TPD52L1: variants seen among roughly 807,000 people sequenced by gnomAD.
TPD52L1 encodes tumor protein D53.
TPD52L1 carries 18 observed loss-of-function variants against 28.7 expected under a neutral mutation model. The observed-to-expected ratio is 0.63, with a 90% CI of 0.43 to 0.93. The LOEUF (loss-of-function observed/expected upper bound fraction) is 0.93. Among genes scored for constraint, TPD52L1 ranks in the 40% least tolerant of loss-of-function variants. TPD52L1 has a pLI of 0.00. For synonymous variants in TPD52L1, 75 were observed against 88.8 expected (o/e 0.84, Z 0.88); for missense variants, 203 against 254.8 (o/e 0.80, Z 1.39).
intron 3 of TPD52L1, among the ~76,000 whole-genome samples, chr6:125,244,448 G>T (rs1404369238): frequency 6.6e-6 from 1 of 152,162 alleles, no homozygotes; most frequent in Admixed American, 6.5e-5. Flanking sequence ...AGCTACCTCA[G>T]CTCTCCTGCC....
rs201466822 is a variant in TPD52L1 at position 125,156,478 on chromosome 6, AAAG to A, written c.19+2510_19+2512del. Among the ~76,000 whole-genome samples the A allele has an allele frequency of 1.6e-3, 205 of 131,724 alleles. 5 individuals carry two copies. The highest frequency in any genetic ancestry group is 3.3e-3 in the African/African-American group (117 of 35,296). The allele number at this position is 131,724 out of a possible 152,430, so 86.4% of individuals were successfully genotyped here. A position where few individuals can be genotyped will look rare whatever the true frequency, so the allele number is the denominator to read the frequency against. ...GACCTTGTCTCAAAAAAAAAAAAAAAAAGAGAGAGATACAAAAAAGGCCAGCCA... is the reference window on the plus strand; with the variant it reads ...GACCTTGTCTCAAAAAAAAAAAAAAAAGAGAGATACAAAAAAGGCCAGCCA... On this transcript the variant is annotated intron_variant, in intron 1 of 6. Transcript: ENST00000534000.
chr6:125,239,645 C>A lies in TPD52L1; in HGVS notation c.285-8637C>A, dbSNP rs546643674. Among the ~76,000 whole-genome samples, 3 of 152,180 alleles carry A rather than the reference C, an allele frequency of 2.0e-5. No homozygotes were observed. In the South Asian group the frequency reaches 6.2e-4, roughly 32 times the overall value. On this transcript the variant is annotated intron_variant, in intron 3 of 6. Transcript: ENST00000534000. ...AGATTTGGGTGGGGACCCAGGCAAACCATATCAATGTTTTTTACCCACTTT... is the reference window on the plus strand; with the variant it reads ...AGATTTGGGTGGGGACCCAGGCAAAACATATCAATGTTTTTTACCCACTTT...
chr6:125,241,119 G>A (rs532195010), intron 3 of TPD52L1, among the ~76,000 whole-genome samples: 2 of 152,190 alleles, frequency 1.3e-5, no homozygotes, highest in African/African-American at 4.8e-5. Flanking sequence ...TTTATGTAAT[G>A]TATCACATTT....
At position 125,172,526 on chromosome 6, in the gene TPD52L1, A is replaced by ATATAT. The variant is rs1448871277; in HGVS notation, c.19+18557_19+18561dup. 1.9e-4 allele frequency among the ~76,000 whole-genome samples: 14 copies of ATATAT among 74,132 alleles called. No homozygotes were observed. The South Asian group carries it at 3.4e-3, about 18-fold the overall frequency. 48.6% of individuals were successfully genotyped at this position (74,132 alleles called of 152,430 possible). ...CCTCTTTCATGCTATATATATATATATATATATATATATATATATATATAT... is the reference window on the plus strand; with the variant it reads ...CCTCTTTCATGCTATATATATATATATATATTATATATATATATATATATATATAT... On this transcript the variant is annotated intron_variant, in intron 1 of 6. Coordinates refer to ENST00000534000, the MANE Select transcript of TPD52L1 (RefSeq NM_003287.4).
Position 125,256,444 on chromosome 6 carries a change from A to T in TPD52L1, c.426-654A>T, listed in dbSNP as rs1797606149. On this transcript the variant is annotated intron_variant, in intron 5 of 6. Transcript: ENST00000534000. ...GAGAGGAAAAATAACGCATGCTAAT[A>T]ACCTCCATTTTGATTGGGCATTAGG... is the stretch of plus-strand genomic sequence containing the variant. Among the ~76,000 whole-genome samples the T allele has an allele frequency of 2.0e-5, 3 of 152,376 alleles. No homozygotes were observed. In the South Asian group the frequency reaches 6.2e-4, roughly 32 times the overall value.
intron 3 of TPD52L1, among the ~76,000 whole-genome samples, chr6:125,247,390 G>T (rs1796984885): frequency 6.6e-6 from 1 of 151,814 alleles, no homozygotes; most frequent in African/African-American, 2.4e-5. Context: ...ATCCCTATAG[G>T]TAGCATCACT....
intron 1 of TPD52L1, 104 bp from the exon 2 acceptor site, chr6:125,219,974 G>T (rs575391956): frequency 9.9e-6 from 8 of 809,424 alleles, no homozygotes; most frequent in Non-Finnish European, 1.7e-5. Context: ...TTGTTTTTTG[G>T]TGGGAGGGTC....
intron 3 of TPD52L1, among the ~76,000 whole-genome samples, chr6:125,235,101 C>CAATAATAATAAT (rs147249181): frequency 0.19 from 26,649 of 142,304 alleles, 2,933 homozygotes; most frequent in East Asian, 0.42. Context: ...CTACAAATAA[C>CAATAATAATAAT]AATAATAATA....
chr6:125,229,916 C>T (rs568066819), intron 3 of TPD52L1, among the ~76,000 whole-genome samples: 1 of 152,108 alleles, frequency 6.6e-6, no homozygotes, highest in Non-Finnish European at 1.5e-5. Flanking sequence ...GAAACCTCGT[C>T]CCTACTAAAA....
chr6:125,200,147 T>C (rs1028561000), intron 1 of TPD52L1, among the ~76,000 whole-genome samples: 135 of 152,348 alleles, frequency 8.9e-4, no homozygotes, highest in African/African-American at 3.1e-3. Flanking sequence ...GGAAGGATTT[T>C]GAAAGAGAAC....
At chr6:125,253,172 T>C (rs1175448288) in intron 4 of TPD52L1, 2 of 154,606 alleles carry the variant, frequency 1.3e-5, no homozygotes, top group African/African-American at 4.8e-5. Context: ...AAATCAATCA[T>C]CTTGACAATC....
intron 1 of TPD52L1, among the ~76,000 whole-genome samples, chr6:125,199,256 G>A (rs1427658366): frequency 6.6e-6 from 1 of 152,184 alleles, no homozygotes; most frequent in Admixed American, 6.5e-5. Flanking sequence ...ATTTTTACCA[G>A]TAATGTAGTA....
At chr6:125,235,938 A>G (rs1368790521) in intron 3 of TPD52L1, among the ~76,000 whole-genome samples, 1 of 152,168 alleles carries the variant, frequency 6.6e-6, no homozygotes, top group Non-Finnish European at 1.5e-5. Context: ...GTGGGGGGAA[A>G]ATGTGCATTT....
chr6:125,193,934 T>C (rs1032699391), intron 1 of TPD52L1, among the ~76,000 whole-genome samples: 2 of 151,802 alleles, frequency 1.3e-5, no homozygotes, highest in Admixed American at 6.6e-5. Context: ...TTCTTGAGGC[T>C]AACACTGATG....
At chr6:125,164,741 T>A (rs1790764104) in intron 1 of TPD52L1, among the ~76,000 whole-genome samples, 1 of 152,032 alleles carries the variant, frequency 6.6e-6, no homozygotes, top group Non-Finnish European at 1.5e-5. Flanking sequence ...CTAGTAAAAC[T>A]GTTGAAAAAA....
At chr6:125,188,430 T>G (rs758298324) in intron 1 of TPD52L1, among the ~76,000 whole-genome samples, 3 of 152,162 alleles carry the variant, frequency 2.0e-5, no homozygotes, top group Non-Finnish European at 4.4e-5. Flanking sequence ...ATGTGAACAT[T>G]TAGATACAAT....
chr6:125,161,748 T>C (rs572406088), intron 1 of TPD52L1, among the ~76,000 whole-genome samples: 1 of 152,324 alleles, frequency 6.6e-6, no homozygotes, highest in African/African-American at 2.4e-5. Flanking sequence ...AAAACAATTC[T>C]GATGGTAACA....
intron 2 of TPD52L1, among the ~76,000 whole-genome samples, chr6:125,225,610 A>G (rs1795558743): frequency 6.6e-6 from 1 of 152,220 alleles, no homozygotes; most frequent in Non-Finnish European, 1.5e-5. Context: ...CTAGGGAGTC[A>G]AGAAACCAAA....
At chr6:125,193,266 C>T (rs1346277007) in intron 1 of TPD52L1, among the ~76,000 whole-genome samples, 1 of 152,142 alleles carries the variant, frequency 6.6e-6, no homozygotes, top group African/African-American at 2.4e-5. Flanking sequence ...AGCAGAAGGA[C>T]TTCGGGGCTT....
Sources: gnomAD v4.1 joint callset for allele counts (sites outside exome capture counted in the v4.1 genomes callset) on GRCh38, gnomAD v4.1.1 for gene constraint, MANE v1.5 for transcripts, NCBI Gene and HGNC (gene_info 2026-07-23, HGNC 2026-07-21) for gene names.